MGAT4A: variants seen among roughly 807,000 people sequenced by gnomAD.
MGAT4A encodes N-acetylglucosaminyltransferase IVa.
MGAT4A carries 33 observed loss-of-function variants against 74.1 expected under a neutral mutation model. The observed-to-expected ratio is 0.45, with a 90% CI of 0.34 to 0.60. The LOEUF (loss-of-function observed/expected upper bound fraction) is 0.60, where lower values mean the gene tolerates loss of function less well. MGAT4A is among the 20% of genes least tolerant of loss of function. MGAT4A has a pLI of 0.02. For missense variants in MGAT4A, 479 were observed against 628.3 expected (o/e 0.76, Z 2.54); for synonymous variants, 198 against 210.4 (o/e 0.94, Z 0.51).
chr2:98,633,127 C>A (rs1473627474), intron 14 of MGAT4A, among the ~76,000 whole-genome samples: 1 of 152,188 alleles, frequency 6.6e-6, no homozygotes, highest in African/African-American at 2.4e-5. Flanking sequence ...CATCGGTGAT[C>A]AGGGCCAAGT....
chr2:98,623,306 A>C lies in MGAT4A; in HGVS notation c.*2260T>G. 1.0e-6 allele frequency: 1 copy of C among 985,440 alleles called. No homozygotes were observed. Among genetic ancestry groups the C allele is most frequent in the Non-Finnish European group, 1.2e-6 (1 of 829,934 alleles). The allele number at this position is 985,440 out of a possible 1,614,324, so 61.0% of individuals were successfully genotyped here. A position where few individuals can be genotyped will look rare whatever the true frequency, so the allele number is the denominator to read the frequency against. On this transcript the variant is annotated 3_prime_UTR_variant, in exon 16 of 16. Transcript: ENST00000393487. ...TAGCCAGGCAGGCTGTCTTTAAAGA[A>C]GTTGTAACAAATCACACCAGGTGCT... is the stretch of plus-strand genomic sequence containing the variant.
At chr2:98,682,359 C>T (rs1321711625) in intron 2 of MGAT4A, among the ~76,000 whole-genome samples, 6 of 139,014 alleles carry the variant, frequency 4.3e-5, no homozygotes, top group Non-Finnish European at 7.6e-5. Flanking sequence ...GAGGCAGAGG[C>T]TGCAGTGAGC....
chr2:98,649,283 G>C lies in MGAT4A; in HGVS notation c.775-3741C>G, dbSNP rs571295132. Among the ~76,000 whole-genome samples, 3 of 152,226 alleles carry C rather than the reference G, an allele frequency of 2.0e-5. No homozygotes were observed. In the East Asian group the frequency reaches 5.8e-4, roughly 29 times the overall value. ...TCTACTGTAAAAGAGGGCTGTGTGA[G>C]AGTGACATCAGCGAGACAGAAACAG... On this transcript the variant is annotated intron_variant, in intron 8 of 15. Coordinates refer to ENST00000393487, the MANE Select transcript of MGAT4A (RefSeq NM_012214.3).
intron 2 of MGAT4A, among the ~76,000 whole-genome samples, chr2:98,679,272 G>A (rs889259094): frequency 1.3e-5 from 2 of 152,028 alleles, no homozygotes; most frequent in South Asian, 4.1e-4. Context: ...CAGGAGCGGT[G>A]GTGGGCGCCT....
At chr2:98,639,025 C>T (rs1286801813) in intron 12 of MGAT4A, among the ~76,000 whole-genome samples, 1 of 152,192 alleles carries the variant, frequency 6.6e-6, no homozygotes, top group Non-Finnish European at 1.5e-5. Context: ...TGGCTCACGC[C>T]TATAATCCCA....
chr2:98,703,319 A>G (rs1702376900), intron 2 of MGAT4A, among the ~76,000 whole-genome samples: 1 of 152,216 alleles, frequency 6.6e-6, no homozygotes, highest in African/African-American at 2.4e-5. Flanking sequence ...AGTGAACTTG[A>G]TGTTAGATTA....
intron 2 of MGAT4A, among the ~76,000 whole-genome samples, chr2:98,717,531 G>A (rs753073501): frequency 6.6e-6 from 1 of 152,098 alleles, no homozygotes; most frequent in Non-Finnish European, 1.5e-5. Flanking sequence ...TTGTAGATTA[G>A]TTAATAATTT....
chr2:98,636,068 T>C (rs2104227186), intron 13 of MGAT4A, among the ~76,000 whole-genome samples: 1 of 151,610 alleles, frequency 6.6e-6, no homozygotes, highest in South Asian at 2.1e-4. Context: ...TTCATATTAT[T>C]TGCAACCTCC....
At chr2:98,705,694 A>G (rs1340084450) in intron 2 of MGAT4A, among the ~76,000 whole-genome samples, 2 of 152,198 alleles carry the variant, frequency 1.3e-5, no homozygotes, top group East Asian at 3.8e-4. Context: ...CTGTAATCCC[A>G]GCACTTTGGG....
chr2:98,713,115 G>A (rs1702540570), intron 2 of MGAT4A, among the ~76,000 whole-genome samples: 1 of 140,364 alleles, frequency 7.1e-6, no homozygotes, highest in African/African-American at 2.6e-5. Flanking sequence ...TGAGCCTGGA[G>A]ATGGAGGATG....
intron 2 of MGAT4A, among the ~76,000 whole-genome samples, chr2:98,680,379 G>A (rs1476978340): frequency 1.3e-5 from 2 of 152,096 alleles, no homozygotes; most frequent in African/African-American, 2.4e-5. Context: ...TATAATTTCT[G>A]TTTTAATCAT....
At chr2:98,720,666 CCTAA>C (rs1702656932) in intron 2 of MGAT4A, among the ~76,000 whole-genome samples, 1 of 151,454 alleles carries the variant, frequency 6.6e-6, no homozygotes, top group South Asian at 2.1e-4. Flanking sequence ...TCTGATGAAC[CCTAA>C]CTAATACATG....
chr2:98,622,703 G>T lies in MGAT4A; in HGVS notation c.*2863C>A, dbSNP rs749654187. 109 of 985,636 alleles carry T rather than the reference G, an allele frequency of 1.1e-4. No individual in the cohort carries two copies. Among genetic ancestry groups the T allele is most frequent in the Non-Finnish European group, 1.2e-4 (102 of 830,216 alleles). 61.1% of individuals were successfully genotyped at this position (985,636 alleles called of 1,614,324 possible). A position where few individuals can be genotyped will look rare whatever the true frequency, so the allele number is the denominator to read the frequency against. On this transcript the variant is annotated 3_prime_UTR_variant, in exon 16 of 16. Transcript: ENST00000393487. ...TGAGAGGCCCTGAGCACCCACCATA[G>T]GAGAGGACAGATGAGCAGTATGAGC...
chr2:98,621,038 G>T lies in MGAT4A; in HGVS notation c.*4528C>A, dbSNP rs1480481900. Reference sequence around the variant, plus strand: ...TCATGCATTTACCAAGAAATATCCAGCATACTACAGGGAATCAAGTATGAA... The same window carrying T: ...TCATGCATTTACCAAGAAATATCCATCATACTACAGGGAATCAAGTATGAA... On this transcript the variant is annotated 3_prime_UTR_variant, in exon 16 of 16. Transcript: ENST00000393487. The T allele has an allele frequency of 1.2e-5, 2 of 160,300 alleles. No homozygotes were observed. Among genetic ancestry groups the T allele is most frequent in the Non-Finnish European group, 2.7e-5 (2 of 73,676 alleles). The allele number at this position is 160,300 out of a possible 1,614,324, so 9.9% of individuals were successfully genotyped here.
chr2:98,626,564 A>G (rs1701146720), intron 14 of MGAT4A, among the ~76,000 whole-genome samples: 1 of 152,216 alleles, frequency 6.6e-6, no homozygotes, highest in Admixed American at 6.5e-5. Context: ...CTTTTTCTAT[A>G]AAGGACAGTC....
intron 14 of MGAT4A, among the ~76,000 whole-genome samples, chr2:98,629,780 A>G (rs1701200263): frequency 6.6e-6 from 1 of 152,216 alleles, no homozygotes; most frequent in African/African-American, 2.4e-5. Flanking sequence ...ACAGTCGCTC[A>G]CACCTGTAAT....
In MGAT4A at chr2:98,623,323, C is replaced by G. The variant is rs1701090070; in HGVS notation, c.*2243G>C. Reference sequence around the variant, plus strand: ...TTTAAAGAAGTTGTAACAAATCACACCAGGTGCTGCAATAACTTTCTCCTC... The same window carrying G: ...TTTAAAGAAGTTGTAACAAATCACAGCAGGTGCTGCAATAACTTTCTCCTC... On this transcript the variant is annotated 3_prime_UTR_variant, in exon 16 of 16. Transcript: ENST00000393487. The G allele has an allele frequency of 1.0e-6, 1 of 985,460 alleles. No individual in the cohort carries two copies. The highest frequency in any genetic ancestry group is 1.2e-6 in the Non-Finnish European group (1 of 829,950). 61.0% of individuals were successfully genotyped at this position (985,460 alleles called of 1,614,324 possible).
intron 8 of MGAT4A, among the ~76,000 whole-genome samples, chr2:98,647,254 C>A (rs988490921): frequency 1.3e-5 from 2 of 152,204 alleles, no homozygotes; most frequent in Non-Finnish European, 2.9e-5. Flanking sequence ...ATATGGAACC[C>A]ACTGATTACT....
intron 13 of MGAT4A, 39 bp from the exon 14 acceptor site, chr2:98,635,327 T>G: frequency 6.8e-7 from 1 of 1,468,540 alleles, no homozygotes; most frequent in South Asian, 1.2e-5. Context: ...AAAATAATTC[T>G]TTCTATTTAA....
Sources: allele counts gnomAD v4.1 joint callset (sites outside exome capture counted in the v4.1 genomes callset), GRCh38; gene constraint gnomAD v4.1.1; transcripts MANE v1.5; gene names NCBI Gene and HGNC (gene_info 2026-07-23, HGNC 2026-07-21).